ARHGAP17: variants seen among roughly 807,000 people sequenced by gnomAD.
The protein encoded by ARHGAP17 is Rho GTPase activating protein 17, also known as rho GTPase-activating protein 17.
Under a neutral mutation model 99.5 loss-of-function variants are expected in ARHGAP17, and 57 were observed. That is an observed-to-expected ratio of 0.57 (90% confidence interval 0.46 to 0.71). The LOEUF (loss-of-function observed/expected upper bound fraction) is 0.71. Among genes scored for constraint, ARHGAP17 ranks in the 30% least tolerant of loss-of-function variants. ARHGAP17 has a pLI of 0.00. For missense variants in ARHGAP17, 1,000 were observed against 1,122.4 expected (o/e 0.89, Z 1.56); for synonymous variants, 417 against 429.6 (o/e 0.97, Z 0.36).
intron 1 of ARHGAP17, among the ~76,000 whole-genome samples, chr16:24,997,242 T>C (rs995288095): frequency 7.0e-6 from 1 of 141,854 alleles, no homozygotes; most frequent in African/African-American, 2.7e-5. Flanking sequence ...TCTATCATTA[T>C]CACCTGGACT....
rs184584892 is a variant in ARHGAP17, at chr16:24,936,750, G to A, written c.1725-1111C>T. On this transcript the variant is annotated intron_variant, in intron 17 of 19. Transcript: ENST00000289968. ...TAACTGACATTCCATTTGTCCTTCTGCATTAAGACTAATTATTGTCTTAAA... is the reference window on the plus strand; with the variant it reads ...TAACTGACATTCCATTTGTCCTTCTACATTAAGACTAATTATTGTCTTAAA... 2.0e-5 allele frequency: 3 copies of A among 151,764 alleles called. No homozygotes were observed. The East Asian group carries it at 5.8e-4, about 29-fold the overall frequency. The allele number at this position is 151,764 out of a possible 1,614,324, so 9.4% of individuals were successfully genotyped here.
In ARHGAP17 at chr16:24,930,856, G is replaced by T; in HGVS notation, c.2443C>A (p.Pro815Thr). Residue 815 changes from proline (P) to threonine (T), a missense_variant, in exon 19 of 20, where the codon CCT (proline) becomes ACT (threonine). Physicochemically the swap from Pro to Thr is conservative, Grantham distance 38 (BLOSUM62 -1). Coordinates refer to ENST00000289968, the MANE Select transcript of ARHGAP17 (RefSeq NM_001006634.3). ...TCCCCAGCTGAGTGGACACCAGGAG[G>T]TTGGGGGGGTGGGGGCACGCTGGGC... ...NRPSVPPPPQ[P>T]PGVHSAGDSS... is the part of the protein sequence containing the mutation. 6.2e-7 allele frequency: 1 copy of T among 1,614,050 alleles called. No individual in the cohort carries two copies. Among genetic ancestry groups the T allele is most frequent in the Non-Finnish European group, 8.5e-7 (1 of 1,179,996 alleles).
chr16:24,960,118 C>T (rs1391984441), intron 7 of ARHGAP17, 139 bp from the exon 8 acceptor site: 1 of 738,766 alleles, frequency 1.4e-6, no homozygotes, highest in Non-Finnish European at 2.3e-6. Context: ...CTGCCTGGTA[C>T]AACCATACAG....
intron 14 of ARHGAP17, 93 bp downstream of exon 14, chr16:24,947,389 C>A: frequency 8.7e-7 from 1 of 1,150,042 alleles, no homozygotes; most frequent in Admixed American, 2.0e-5. Context: ...TTGAATTGAT[C>A]TTAAACTAGA....
chr16:25,005,279 T>G (rs1490565574), intron 1 of ARHGAP17, among the ~76,000 whole-genome samples: 2 of 152,262 alleles, frequency 1.3e-5, no homozygotes, highest in Admixed American at 1.3e-4. Flanking sequence ...AGGCTCTACC[T>G]ATTTAAAAGA....
intron 3 of ARHGAP17, among the ~76,000 whole-genome samples, chr16:24,975,014 C>T (rs1161880326): frequency 1.3e-5 from 2 of 152,064 alleles, no homozygotes; most frequent in African/African-American, 2.4e-5. Context: ...ATTAGCCAGG[C>T]TTGGTGGCGC....
chr16:24,979,052 G>C, intron 1 of ARHGAP17, 47 bp from the exon 2 acceptor site: 1 of 1,322,566 alleles, frequency 7.6e-7, no homozygotes, highest in South Asian at 1.3e-5. Context: ...AAAAATGAAA[G>C]GCAACTCCTA....
chr16:24,958,008 A>T (rs1410749551), intron 9 of ARHGAP17, among the ~76,000 whole-genome samples: 1 of 152,190 alleles, frequency 6.6e-6, no homozygotes, highest in Non-Finnish European at 1.5e-5. Flanking sequence ...GGCAGGTACA[A>T]GGACAGGCAG....
chr16:24,977,128 G>T, intron 3 of ARHGAP17, 87 bp downstream of exon 3: 1 of 1,050,212 alleles, frequency 9.5e-7, no homozygotes, highest in Non-Finnish European at 1.3e-6. Flanking sequence ...ATCCACTGAT[G>T]CCACTTAGGA....
chr16:25,012,096 AC>A (rs1162762482), intron 1 of ARHGAP17, among the ~76,000 whole-genome samples: 1 of 152,106 alleles, frequency 6.6e-6, no homozygotes, highest in African/African-American at 2.4e-5. Flanking sequence ...ATTCTTTAAT[AC>A]CCTGGATAAC....
rs943344122 is a variant in ARHGAP17, at chr16:24,977,227, G to A, written c.186C>T (p.Ala62=). 78 of 1,581,090 alleles carry A rather than the reference G, an allele frequency of 4.9e-5. No homozygotes were observed. The East Asian group carries it at 1.2e-3, about 24-fold the overall frequency. The stretch of plus-strand genomic sequence containing the variant: ...ATCTGATACTCACGTGTCTCCTCTC[G>A]GCATCGGTGCCATGCTGGCCCTGGA... ...ACFQGQHGTD[A]ERRHKKLPLT... The change falls in exon 3 of 20, where the codon GCC becomes GCT. Residue 62 remains alanine (A), a synonymous_variant. Transcript: ENST00000289968.
intron 15 of ARHGAP17, 74 bp downstream of exon 15, chr16:24,943,697 G>T: frequency 7.8e-7 from 1 of 1,287,478 alleles, no homozygotes; most frequent in Non-Finnish European, 1.1e-6. Flanking sequence ...GATTACAGAT[G>T]TATTCTCTTA....
rs770851217 is a variant in ARHGAP17, at chr16:24,947,492, T to C, written c.1231A>G (p.Arg411Gly). ...IVLGPNLLWA[R>G]NEGTLAEMAA... ...AGAAAGATGACTTACCCTTCATTTCTGGCCCATAACAAGTTAGGGCCTAAC... is the reference window on the plus strand; with the variant it reads ...AGAAAGATGACTTACCCTTCATTTCCGGCCCATAACAAGTTAGGGCCTAAC... The change falls in exon 14 of 20, where the codon AGA (arginine) becomes GGA (glycine). Residue 411 changes from arginine (R) to glycine (G), a missense_variant. By Grantham distance (125) the Arg-to-Gly change is moderately radical. Coordinates refer to ENST00000289968, the MANE Select transcript of ARHGAP17 (RefSeq NM_001006634.3). The C allele has an allele frequency of 1.5e-5, 25 of 1,612,936 alleles. No homozygotes were observed. The highest frequency in any genetic ancestry group is 1.9e-5 in the Non-Finnish European group (22 of 1,179,546).
At chr16:25,004,555 T>G (rs1456920268) in intron 1 of ARHGAP17, among the ~76,000 whole-genome samples, 1 of 152,228 alleles carries the variant, frequency 6.6e-6, no homozygotes, top group Non-Finnish European at 1.5e-5. Flanking sequence ...AGCTGATGGG[T>G]GCTTTTAATA....
intron 9 of ARHGAP17, among the ~76,000 whole-genome samples, chr16:24,958,404 T>C (rs77421590): frequency 0.018 from 2,794 of 152,296 alleles, 81 homozygotes; most frequent in African/African-American, 0.063. Flanking sequence ...CTCATAAATA[T>C]ATTTTCTTGG....
chr16:25,012,192 CTT>C (rs2053660277), intron 1 of ARHGAP17, among the ~76,000 whole-genome samples: 1 of 152,198 alleles, frequency 6.6e-6, no homozygotes, highest in Non-Finnish European at 1.5e-5. Flanking sequence ...TCCTACTTCT[CTT>C]CTTTGGGACA....
chr16:24,996,598 T>C (rs1567263384), intron 1 of ARHGAP17, among the ~76,000 whole-genome samples: 1 of 152,078 alleles, frequency 6.6e-6, no homozygotes. Context: ...CCAAGCAAGG[T>C]GCTAGCTCCT....
intron 14 of ARHGAP17, among the ~76,000 whole-genome samples, chr16:24,944,669 T>G (rs1412908385): frequency 2.0e-5 from 3 of 152,132 alleles, no homozygotes; most frequent in Non-Finnish European, 4.4e-5. Flanking sequence ...CAGGCTGGAG[T>G]GCAGTGGCGC....
chr16:24,932,830 G>A (rs911595821), intron 18 of ARHGAP17, among the ~76,000 whole-genome samples: 2 of 151,942 alleles, frequency 1.3e-5, no homozygotes, highest in Non-Finnish European at 2.9e-5. Context: ...AGAGATTTTA[G>A]CCTTTTTCAA....
Sources: allele counts gnomAD v4.1 joint callset (sites outside exome capture counted in the v4.1 genomes callset), GRCh38; gene constraint gnomAD v4.1.1; transcripts MANE v1.5; gene names NCBI Gene and HGNC (gene_info 2026-07-23, HGNC 2026-07-21).